CSMD1: variants seen among roughly 807,000 people sequenced by gnomAD.
The protein encoded by CSMD1 is CUB and sushi domain-containing protein 1.
In CSMD1, 213 loss-of-function variants were observed where a neutral mutation model predicts 417.5. The observed-to-expected ratio is 0.51, with a 90% CI of 0.46 to 0.57. The LOEUF is 0.57. Among genes scored for constraint, CSMD1 ranks in the 20% least tolerant of loss-of-function variants. The pLI is 0.00. For synonymous variants in CSMD1, 2,862 were observed against 1,736.8 expected (o/e 1.65, Z -16.11); for missense variants, 6,923 against 4,529.7 (o/e 1.53, Z -15.17).
chr8:4,802,559 A>G (rs1423835944), intron 1 of CSMD1, among the ~76,000 whole-genome samples: 1 of 152,170 alleles, frequency 6.6e-6, no homozygotes, highest in Non-Finnish European at 1.5e-5. Flanking sequence ...ATTTCAAACT[A>G]TAGTTTATGA....
At chr8:3,677,150 C>T (rs935472561) in intron 7 of CSMD1, among the ~76,000 whole-genome samples, 2 of 151,926 alleles carry the variant, frequency 1.3e-5, no homozygotes, top group African/African-American at 4.8e-5. Flanking sequence ...GCACATGTAA[C>T]CCAGAACTTA....
intron 57 of CSMD1, among the ~76,000 whole-genome samples, chr8:2,972,651 T>C (rs560129142): frequency 5.9e-5 from 9 of 152,276 alleles, no homozygotes; most frequent in African/African-American, 1.7e-4. Context: ...AAATAGTTCA[T>C]AGAATATAAC....
intron 1 of CSMD1, among the ~76,000 whole-genome samples, chr8:4,664,051 C>A (rs1222014501): frequency 2.6e-5 from 4 of 152,176 alleles, no homozygotes; most frequent in African/African-American, 9.7e-5. Context: ...CATGAAATCG[C>A]CTCTGTGAAC....
intron 7 of CSMD1, among the ~76,000 whole-genome samples, chr8:3,628,934 T>C (rs1025948733): frequency 6.7e-6 from 1 of 148,734 alleles, no homozygotes; most frequent in Non-Finnish European, 1.5e-5. Context: ...ATAAAAAGAG[T>C]AGGAATGAGA....
At chr8:4,802,583 T>C (rs948798390) in intron 1 of CSMD1, among the ~76,000 whole-genome samples, 1 of 152,142 alleles carries the variant, frequency 6.6e-6, no homozygotes, top group African/African-American at 2.4e-5. Context: ...GATCACAATG[T>C]TTTTTTCTTA....
At position 3,598,148 on chromosome 8, in the gene CSMD1, A is replaced by G. The variant is rs369473442; in HGVS notation, c.1098-11888T>C. ...TTTCCTAACGCATTTAACAAAACTA[A>G]GTAGGACCAAGCCAATCTGAGAAAA... On this transcript the variant is annotated intron_variant, in intron 8 of 69. Transcript: ENST00000635120. Among the ~76,000 whole-genome samples, 4 of 152,336 alleles carry G rather than the reference A, an allele frequency of 2.6e-5. No homozygotes were observed. The South Asian group carries it at 8.3e-4, about 32-fold the overall frequency.
chr8:4,928,167 G>A (rs7018218), intron 1 of CSMD1, among the ~76,000 whole-genome samples: 80 of 152,094 alleles, frequency 5.3e-4, no homozygotes, highest in African/African-American at 1.2e-3. Context: ...AGACTTTCCC[G>A]TTGCCATTGG....
At chr8:4,514,519 G>A (rs753726213) in intron 2 of CSMD1, among the ~76,000 whole-genome samples, 12 of 152,120 alleles carry the variant, frequency 7.9e-5, no homozygotes, top group African/African-American at 1.2e-4. Flanking sequence ...AGGGAACATC[G>A]TGAGTTAAAG....
intron 3 of CSMD1, among the ~76,000 whole-genome samples, chr8:4,173,927 T>A (rs1013207644): frequency 1.3e-5 from 2 of 152,120 alleles, no homozygotes; most frequent in African/African-American, 4.8e-5. Flanking sequence ...GGGTATGAAC[T>A]AGCTTCTTCC....
chr8:4,480,273 G>C (rs983094808), intron 2 of CSMD1, among the ~76,000 whole-genome samples: 2 of 151,772 alleles, frequency 1.3e-5, no homozygotes, highest in African/African-American at 4.8e-5. Flanking sequence ...GTAGCTCTGA[G>C]TTGACCCCCA....
chr8:3,339,500 C>T (rs1464546997), intron 23 of CSMD1, among the ~76,000 whole-genome samples: 1 of 152,134 alleles, frequency 6.6e-6, no homozygotes, highest in Non-Finnish European at 1.5e-5. Context: ...ATAGATTTAT[C>T]TCATCAGAGG....
intron 5 of CSMD1, among the ~76,000 whole-genome samples, chr8:3,946,399 A>G (rs1469631997): frequency 6.6e-6 from 1 of 152,124 alleles, no homozygotes; most frequent in African/African-American, 2.4e-5. Flanking sequence ...CGTCTATACC[A>G]TTGAGCAATC....
chr8:3,392,250 T>A (rs556371703), intron 17 of CSMD1, among the ~76,000 whole-genome samples: 1 of 151,880 alleles, frequency 6.6e-6, no homozygotes, highest in East Asian at 1.9e-4. Flanking sequence ...AAACTTAAAG[T>A]ATAATAAAAA....
At chr8:3,953,940 C>A (rs1811750893) in intron 5 of CSMD1, among the ~76,000 whole-genome samples, 1 of 152,324 alleles carries the variant, frequency 6.6e-6, no homozygotes, top group East Asian at 1.9e-4. Context: ...AAGGGTGGCT[C>A]TGGGTCTCGC....
chr8:3,939,498 T>A (rs550126194), intron 5 of CSMD1, among the ~76,000 whole-genome samples: 2 of 152,234 alleles, frequency 1.3e-5, no homozygotes, highest in South Asian at 2.1e-4. Flanking sequence ...GATTCAGCAA[T>A]CCCAGTAGAT....
chr8:4,901,439 G>C (rs12547030), intron 1 of CSMD1, among the ~76,000 whole-genome samples: 70,250 of 151,942 alleles, frequency 0.46, 17,188 homozygotes, highest in Admixed American at 0.6. Context: ...AGTTTTCATA[G>C]AATTTAATAC....
At chr8:4,069,339 T>A (rs1799424684) in intron 3 of CSMD1, among the ~76,000 whole-genome samples, 1 of 152,232 alleles carries the variant, frequency 6.6e-6, no homozygotes, top group Non-Finnish European at 1.5e-5. Flanking sequence ...TTCCAACTCT[T>A]ATCTACAGGT....
chr8:4,289,396 G>A (rs974994334), intron 3 of CSMD1, among the ~76,000 whole-genome samples: 1 of 65,964 alleles, frequency 1.5e-5, no homozygotes, highest in African/African-American at 4.1e-5. Flanking sequence ...ATTAGTTAAA[G>A]TAGAGGGAGC....
intron 3 of CSMD1, among the ~76,000 whole-genome samples, chr8:4,112,659 C>A (rs1801919301): frequency 6.6e-6 from 1 of 152,148 alleles, no homozygotes; most frequent in Admixed American, 6.5e-5. Context: ...CCCCAAATCC[C>A]ACAAACCCCA....
Sources: gnomAD v4.1 joint callset for allele counts (sites outside exome capture counted in the v4.1 genomes callset) on GRCh38, gnomAD v4.1.1 for gene constraint, MANE v1.5 for transcripts, NCBI Gene and HGNC (gene_info 2026-07-23, HGNC 2026-07-21) for gene names.